The following AGXT2 variants were observed in gnomAD, a reference collection of about 807,000 sequenced individuals.
AGXT2 encodes the protein alanine--glyoxylate aminotransferase 2, also known as alanine--glyoxylate aminotransferase 2, mitochondrial.
A neutral mutation model predicts 62.5 loss-of-function variants in AGXT2; 61 were observed. The ratio of observed to expected loss-of-function variants is 0.98; its 90% CI spans 0.79 to 1.21. The LOEUF (loss-of-function observed/expected upper bound fraction) is 1.21. AGXT2 is among the 50% of genes most tolerant of loss of function. The pLI is 0.00. For synonymous variants in AGXT2, 243 were observed against 218.7 expected, an observed-to-expected ratio of 1.11 and a Z score of -0.98; for missense variants, 666 against 641.5, an observed-to-expected ratio of 1.04 and a Z score of -0.41.
At position 35,039,555 on chromosome 5, in the gene AGXT2, T is replaced by C. The variant is rs200645187; in HGVS notation, c.178-47A>G. ...ACCCACACACTTCTTACAAGATCAA[T>C]AGCAGTCAATCTATGAGTAACAGAG... On this transcript the variant is annotated intron_variant, in intron 2 of 13. Coordinates refer to ENST00000231420, the MANE Select transcript of AGXT2 (RefSeq NM_031900.4). 5.9e-5 allele frequency: 93 copies of C among 1,585,390 alleles called. No homozygotes were observed. In the African/African-American group the frequency reaches 1.1e-3, roughly 18 times the overall value.
At chr5:35,022,412 T>C (rs1447711890) in intron 9 of AGXT2, among the ~76,000 whole-genome samples, 1 of 152,130 alleles carries the variant, frequency 6.6e-6, no homozygotes, top group Non-Finnish European at 1.5e-5. Context: ...GATGAGTTCA[T>C]GTCCTTTGAA....
Position 35,044,154 on chromosome 5 carries a change from C to T in AGXT2, c.89-3491G>A, listed in dbSNP as rs187576792. ...GAGGACATCAGTGACAGATGGAATT[C>T]GAGGCCTTGGCAGTTTTGAAGTCCC... On this transcript the variant is annotated intron_variant, in intron 1 of 13. Transcript: ENST00000231420. Among the ~76,000 whole-genome samples, 420 of 152,326 alleles carry T rather than the reference C, an allele frequency of 2.8e-3. 2 individuals are homozygous for T. Among genetic ancestry groups the T allele is most frequent in the Non-Finnish European group, 4.3e-3 (293 of 68,030 alleles).
intron 7 of AGXT2, among the ~76,000 whole-genome samples, chr5:35,032,330 C>G (rs344160): frequency 0.94 from 142,653 of 152,178 alleles, 67,343 homozygotes; most frequent in Non-Finnish European, 1. Context: ...TCAGCTCAAG[C>G]AATCCTCCCA....
At chr5:35,039,560 G>T (rs761988236) in intron 2 of AGXT2, 52 bp from the exon 3 acceptor site, 1 of 1,576,986 alleles carries the variant, frequency 6.3e-7, no homozygotes, top group South Asian at 1.1e-5. Flanking sequence ...ATCAATAGCA[G>T]TCAATCTATG....
In AGXT2 at chr5:35,026,601, A is replaced by AG. The variant is rs1278803369; in HGVS notation, c.770-92_770-91insC. On this transcript the variant is annotated intron_variant, in intron 7 of 13. Transcript: ENST00000231420. ...AAACATGGGGAAAAACAGGAAAAAA[A>AG]AAAAACAACCAGACAGGGTAAGTTA... 4 of 1,218,360 alleles carry AG rather than the reference A, an allele frequency of 3.3e-6. No homozygotes were observed. In the East Asian group the frequency reaches 7.4e-5, roughly 23 times the overall value. The allele number at this position is 1,218,360 out of a possible 1,614,324, so 75.5% of individuals were successfully genotyped here. A position where few individuals can be genotyped will look rare whatever the true frequency, so the allele number is the denominator to read the frequency against.
chr5:35,025,930 T>G (rs1449062872), intron 8 of AGXT2, 75 bp from the exon 9 acceptor site: 1 of 1,131,204 alleles, frequency 8.8e-7, no homozygotes, highest in Admixed American at 1.9e-5. Flanking sequence ...AGTTAGATCA[T>G]CATTATCATC....
rs77507340 is a variant in AGXT2 at position 35,002,639 on chromosome 5, C to T, written c.1437+1124G>A. On this transcript the variant is annotated intron_variant, in intron 13 of 13. Coordinates refer to ENST00000231420, the MANE Select transcript of AGXT2 (RefSeq NM_031900.4). ...TGTGAGGTCACAGCAGAAAGATGGC[C>T]GCTTAGAAAGAGCGCCCTCACCAGA... Among the ~76,000 whole-genome samples the T allele has an allele frequency of 5.3e-4, 80 of 152,280 alleles. 1 individual carries two copies. In the East Asian group the frequency reaches 0.01, roughly 20 times the overall value.
chr5:35,030,836 A>C (rs1767536642), intron 7 of AGXT2, among the ~76,000 whole-genome samples: 1 of 152,232 alleles, frequency 6.6e-6, no homozygotes, highest in African/African-American at 2.4e-5. Context: ...AACTGATTTT[A>C]GTTCTTGATG....
intron 9 of AGXT2, among the ~76,000 whole-genome samples, chr5:35,022,664 G>A (rs1767156298): frequency 6.7e-6 from 1 of 149,300 alleles, no homozygotes; most frequent in South Asian, 2.1e-4. Context: ...CATGGCACAT[G>A]TATACATATG....
chr5:35,020,185 T>A (rs888489618), intron 9 of AGXT2, among the ~76,000 whole-genome samples: 1 of 152,042 alleles, frequency 6.6e-6, no homozygotes, highest in Non-Finnish European at 1.5e-5. Flanking sequence ...ACTATTCCAA[T>A]CAACAGAAAA....
chr5:35,007,384 A>G (rs1369019768), intron 12 of AGXT2, among the ~76,000 whole-genome samples: 2 of 152,254 alleles, frequency 1.3e-5, no homozygotes, highest in Non-Finnish European at 2.9e-5. Flanking sequence ...TTTTCAAAGC[A>G]GCTCCTTAGA....
intron 9 of AGXT2, among the ~76,000 whole-genome samples, chr5:35,019,848 A>G (rs1354090761): frequency 6.6e-6 from 1 of 152,200 alleles, no homozygotes; most frequent in Non-Finnish European, 1.5e-5. Context: ...AGAAAAAAAG[A>G]GAGAAGAATC....
intron 12 of AGXT2, among the ~76,000 whole-genome samples, chr5:35,005,507 G>A (rs1044230470): frequency 3.9e-5 from 6 of 152,152 alleles, no homozygotes; most frequent in East Asian, 1.9e-4. Flanking sequence ...TTACAGGTGT[G>A]AGCCACCGTG....
intron 4 of AGXT2, 86 bp downstream of exon 4, chr5:35,036,856 A>C: frequency 1.3e-6 from 2 of 1,598,660 alleles, no homozygotes; most frequent in Non-Finnish European, 1.7e-6. Context: ...CCCTAGAATC[A>C]TAAGACTCCT....
At chr5:35,045,060 A>G (rs894916399) in intron 1 of AGXT2, among the ~76,000 whole-genome samples, 5 of 152,332 alleles carry the variant, frequency 3.3e-5, no homozygotes, top group Middle Eastern at 3.4e-3. Context: ...CAAATGTTAT[A>G]TATTTCAGTC....
chr5:35,038,751 G>A (rs1469292716), intron 3 of AGXT2, among the ~76,000 whole-genome samples: 1 of 152,198 alleles, frequency 6.6e-6, no homozygotes, highest in East Asian at 1.9e-4. Context: ...GCACTGCATG[G>A]AAACCAAGAA....
At chr5:35,013,683 G>A (rs539628892) in intron 10 of AGXT2, among the ~76,000 whole-genome samples, 63 of 151,850 alleles carry the variant, frequency 4.1e-4, no homozygotes, top group Non-Finnish European at 7.9e-4. Flanking sequence ...TCAGGAGGCT[G>A]AGGCAGGAGA....
In AGXT2 at chr5:34,998,178, G is replaced by T; in HGVS notation, c.*541C>A. On this transcript the variant is annotated 3_prime_UTR_variant, in exon 14 of 14. Coordinates refer to ENST00000231420, the MANE Select transcript of AGXT2 (RefSeq NM_031900.4). Reference sequence around the variant, plus strand: ...TGGCTCCAGGAATGCTTAAGTGAGTGCTTCTTTGACATCACTAAGCACTTG... The same window carrying T: ...TGGCTCCAGGAATGCTTAAGTGAGTTCTTCTTTGACATCACTAAGCACTTG... The T allele has an allele frequency of 1.2e-5, 2 of 164,804 alleles. No homozygotes were observed. Among genetic ancestry groups the T allele is most frequent in the South Asian group, 3.2e-4 (2 of 6,236 alleles). The allele number at this position is 164,804 out of a possible 1,614,324, so 10.2% of individuals were successfully genotyped here. A position where few individuals can be genotyped will look rare whatever the true frequency, so the allele number is the denominator to read the frequency against.
chr5:35,025,204 T>C (rs1462493392), intron 9 of AGXT2, among the ~76,000 whole-genome samples: 2 of 151,938 alleles, frequency 1.3e-5, no homozygotes, highest in Admixed American at 6.6e-5. Context: ...GGTGAAACCC[T>C]GTCTTTACTA....
Sources: gnomAD v4.1 joint callset for allele counts (sites outside exome capture counted in the v4.1 genomes callset) on GRCh38, gnomAD v4.1.1 for gene constraint, MANE v1.5 for transcripts, NCBI Gene and HGNC (gene_info 2026-07-23, HGNC 2026-07-21) for gene names.